Variants in ALDH2 observed in about 807,000 individuals in gnomAD.
ALDH2 encodes aldehyde dehydrogenase 2 family member, also known as aldehyde dehydrogenase, mitochondrial.
In ALDH2, 44 loss-of-function variants were observed where a neutral mutation model predicts 59.6. That is an observed-to-expected ratio of 0.74 (90% CI 0.58 to 0.95). The LOEUF is 0.95. ALDH2 is among the 40% of genes least tolerant of loss of function. The pLI, the probability that ALDH2 is intolerant of heterozygous loss-of-function variation, is 0.00. For missense variants in ALDH2, 570 were observed against 696.3 expected (o/e 0.82, Z 2.04); for synonymous variants, 291 against 284.0 (o/e 1.02, Z -0.25).
intron 1 of ALDH2, among the ~76,000 whole-genome samples, chr12:111,776,392 C>G (rs1172101888): frequency 1.3e-5 from 2 of 152,046 alleles, no homozygotes; most frequent in African/African-American, 4.8e-5. Flanking sequence ...CACATCAGCC[C>G]CCAGAAGTAC....
chr12:111,807,250 G>A (rs538638137), intron 12 of ALDH2, among the ~76,000 whole-genome samples: 1 of 151,710 alleles, frequency 6.6e-6, no homozygotes, highest in African/African-American at 2.4e-5. Context: ...GAGACAGAGC[G>A]AGACTCTGTC....
Position 111,798,186 on chromosome 12 carries a change from A to C in ALDH2, c.1192A>C (p.Ile398Leu), listed in dbSNP as rs1454878205. 3.1e-6 allele frequency: 5 copies of C among 1,606,614 alleles called. No individual in the cohort carries two copies. The highest frequency in any genetic ancestry group is 2.2e-5 in the South Asian group (2 of 89,580). ...CATTGCTGCTGACCGTGGTTACTTCATCCAGCCCACTGTGTTTGGAGATGT... is the reference window on the plus strand; with the variant it reads ...CATTGCTGCTGACCGTGGTTACTTCCTCCAGCCCACTGTGTTTGGAGATGT... ...GGIAADRGYF[I>L]QPTVFGDVQD... Residue 398 changes from isoleucine (I) to leucine (L), a missense_variant, in exon 10 of 13, where the codon ATC becomes CTC. Ile to Leu is a conservative substitution (Grantham distance 5). Coordinates refer to ENST00000261733, the MANE Select transcript of ALDH2 (RefSeq NM_000690.4).
intron 4 of ALDH2, among the ~76,000 whole-genome samples, chr12:111,786,208 C>T (rs900666541): frequency 1.3e-5 from 2 of 152,080 alleles, no homozygotes; most frequent in Non-Finnish European, 2.9e-5. Context: ...TTGGTTTAAT[C>T]AAAAATGTTT....
rs991839197 is a variant in ALDH2 at position 111,814,631 on chromosome 12, G to A, written c.*5056G>A. On this transcript the variant is annotated 3_prime_UTR_variant, in exon 13 of 13. Coordinates refer to ENST00000261733, the MANE Select transcript of ALDH2 (RefSeq NM_000690.4). ...ATACTGAGGCGGGTGGATTACCTGA[G>A]GCCAGGAGTTCGAGATCAGCCTGGC... The A allele has an allele frequency of 6.6e-6, 1 of 151,364 alleles. No homozygotes were observed. The highest frequency in any genetic ancestry group is 2.4e-5 in the African/African-American group (1 of 41,142). 9.4% of individuals were successfully genotyped at this position (151,364 alleles called of 1,614,324 possible). A position where few individuals can be genotyped will look rare whatever the true frequency, so the allele number is the denominator to read the frequency against.
chr12:111,797,451 A>T (rs899160383), intron 9 of ALDH2, among the ~76,000 whole-genome samples: 2 of 152,148 alleles, frequency 1.3e-5, no homozygotes, highest in African/African-American at 4.8e-5. Context: ...AAATACAAAA[A>T]TTAGCCCAGC....
chr12:111,790,664 G>A, intron 6 of ALDH2, 102 bp downstream of exon 6: 1 of 1,485,202 alleles, frequency 6.7e-7, no homozygotes, highest in Non-Finnish European at 9.2e-7. Flanking sequence ...AGGGAGGTGT[G>A]TTTGTGGAGC....
intron 8 of ALDH2, 95 bp from the exon 9 acceptor site, chr12:111,792,501 TAC>T: frequency 1.4e-6 from 2 of 1,387,806 alleles, no homozygotes; most frequent in Non-Finnish European, 1.9e-6. Flanking sequence ...CATCAACCCT[TAC>T]AGTGGTGGGA....
chr12:111,775,180 C>T (rs920541171), intron 1 of ALDH2, among the ~76,000 whole-genome samples: 5 of 152,212 alleles, frequency 3.3e-5, no homozygotes, highest in Admixed American at 1.3e-4. Flanking sequence ...AGAAAGGACA[C>T]GGCAGTGTCC....
intron 1 of ALDH2, among the ~76,000 whole-genome samples, chr12:111,770,612 C>T (rs1300962656): frequency 6.6e-6 from 1 of 151,960 alleles, no homozygotes; most frequent in Non-Finnish European, 1.5e-5. Context: ...TACAGGCATA[C>T]CCCACCACAC....
chr12:111,770,659 A>G (rs1286050091), intron 1 of ALDH2, among the ~76,000 whole-genome samples: 1 of 151,636 alleles, frequency 6.6e-6, no homozygotes, highest in Non-Finnish European at 1.5e-5. Context: ...TATTTTATTT[A>G]TTTGAGACAG....
At chr12:111,788,683 C>T (rs1415029355) in intron 4 of ALDH2, among the ~76,000 whole-genome samples, 1 of 152,128 alleles carries the variant, frequency 6.6e-6, no homozygotes, top group Admixed American at 6.6e-5. Context: ...TAGCTTTCTT[C>T]CAGGGTCACA....
intron 1 of ALDH2, among the ~76,000 whole-genome samples, chr12:111,772,563 A>G (rs1427642184): frequency 4.6e-5 from 7 of 151,378 alleles, no homozygotes; most frequent in Admixed American, 2.0e-4. Flanking sequence ...GGGTTTCACC[A>G]TGTTGGCCAG....
intron 4 of ALDH2, 111 bp from the exon 5 acceptor site, chr12:111,789,712 A>G: frequency 1.1e-6 from 1 of 905,852 alleles, no homozygotes; most frequent in Non-Finnish European, 1.7e-6. Context: ...AAAAGCAAAG[A>G]CAGTTTTCAG....
chr12:111,779,915 G>A (rs1405149100), intron 1 of ALDH2, among the ~76,000 whole-genome samples: 4 of 152,154 alleles, frequency 2.6e-5, no homozygotes, highest in African/African-American at 9.7e-5. Context: ...TTTTGAGACG[G>A]AGTTTCACTC....
chr12:111,777,191 TG>T (rs2068240056), intron 1 of ALDH2, among the ~76,000 whole-genome samples: 1 of 152,198 alleles, frequency 6.6e-6, no homozygotes, highest in Non-Finnish European at 1.5e-5. Context: ...TAGAGCCAAG[TG>T]GCTGGACTCT....
intron 10 of ALDH2, among the ~76,000 whole-genome samples, chr12:111,799,471 A>ATTTT (rs749835920): frequency 7.1e-6 from 1 of 140,076 alleles, no homozygotes; most frequent in Admixed American, 7.2e-5. Context: ...CTGGCCAAAA[A>ATTTT]TTTTTTTTTT....
intron 10 of ALDH2, 107 bp from the exon 11 acceptor site, chr12:111,799,799 G>C (rs748643347): frequency 3.3e-5 from 43 of 1,317,144 alleles, no homozygotes; most frequent in Non-Finnish European, 4.4e-5. Flanking sequence ...TTAGAGCATG[G>C]CTGGGGGCTT....
intron 9 of ALDH2, among the ~76,000 whole-genome samples, chr12:111,796,460 C>A (rs1224557478): frequency 1.3e-5 from 2 of 152,006 alleles, no homozygotes. Context: ...AGTGATCACA[C>A]CACTGCACTG....
At chr12:111,809,139 G>A (rs1487402689) in intron 12 of ALDH2, among the ~76,000 whole-genome samples, 1 of 152,066 alleles carries the variant, frequency 6.6e-6, no homozygotes, top group Non-Finnish European at 1.5e-5. Flanking sequence ...TGACATCATT[G>A]GCCTATAACT....
Sources: gnomAD v4.1 joint callset for allele counts (sites outside exome capture counted in the v4.1 genomes callset) on GRCh38, gnomAD v4.1.1 for gene constraint, MANE v1.5 for transcripts, NCBI Gene and HGNC (gene_info 2026-07-23, HGNC 2026-07-21) for gene names.